Variants in TOPBP1 observed in about 807,000 individuals in gnomAD.
The protein encoded by TOPBP1 is DNA topoisomerase II binding protein 1, also known as DNA topoisomerase 2-binding protein 1.
Under a neutral mutation model 167.7 loss-of-function variants are expected in TOPBP1, and 28 were observed. That is an observed-to-expected ratio of 0.17 (90% CI 0.12 to 0.23). TOPBP1 has a LOEUF of 0.23. Among genes scored for constraint, TOPBP1 ranks in the 10% least tolerant of loss-of-function variants. The pLI, the probability that TOPBP1 is intolerant of heterozygous loss-of-function variation, is 1.00. For synonymous variants in TOPBP1, 598 were observed against 611.4 expected, an observed-to-expected ratio of 0.98 and a Z score of 0.32; for missense variants, 1,554 against 1,809.6, an observed-to-expected ratio of 0.86 and a Z score of 2.56.
At chr3:133,630,964 G>C (rs1315874338) in intron 14 of TOPBP1, among the ~76,000 whole-genome samples, 1 of 152,142 alleles carries the variant, frequency 6.6e-6, no homozygotes, top group Non-Finnish European at 1.5e-5. Context: ...GGAGGCCAAG[G>C]CAGAACTGCC....
chr3:133,633,750 C>T (rs1559820607), intron 14 of TOPBP1, among the ~76,000 whole-genome samples: 1 of 152,152 alleles, frequency 6.6e-6, no homozygotes, highest in African/African-American at 2.4e-5. Context: ...GTGATCATGC[C>T]ACTACACTCC....
chr3:133,629,124 A>G (rs1000371282), intron 14 of TOPBP1, among the ~76,000 whole-genome samples: 1 of 152,186 alleles, frequency 6.6e-6, no homozygotes, highest in African/African-American at 2.4e-5. Flanking sequence ...AATGGATTAT[A>G]AGGAAGGTTA....
chr3:133,627,303 G>C (rs1162275251), intron 16 of TOPBP1, among the ~76,000 whole-genome samples: 1 of 151,798 alleles, frequency 6.6e-6, no homozygotes, highest in Non-Finnish European at 1.5e-5. Flanking sequence ...GAATAAACAA[G>C]GAAACATTCA....
At chr3:133,633,528 C>T (rs1935562459) in intron 14 of TOPBP1, among the ~76,000 whole-genome samples, 1 of 152,188 alleles carries the variant, frequency 6.6e-6, no homozygotes, top group Admixed American at 6.5e-5. Context: ...TGGTGGCTCA[C>T]ACCTATAACC....
intron 25 of TOPBP1, among the ~76,000 whole-genome samples, chr3:133,610,075 G>A (rs1418603267): frequency 6.6e-6 from 1 of 152,164 alleles, no homozygotes; most frequent in Admixed American, 6.5e-5. Flanking sequence ...TAAAGTAGCA[G>A]ACAATAACTA....
intron 14 of TOPBP1, among the ~76,000 whole-genome samples, chr3:133,629,225 T>C (rs753408465): frequency 1.3e-5 from 2 of 152,258 alleles, no homozygotes; most frequent in African/African-American, 2.4e-5. Context: ...AGTTCCCTCC[T>C]GAAAGGAAGC....
chr3:133,644,382 T>C lies in TOPBP1; in HGVS notation c.1505-19A>G, dbSNP rs201176362. ...GCCTCAACTGAAAGAGAAAAGTAAA[T>C]GTTTTCTAACCAACAATTTACCTTA... On this transcript the variant is annotated intron_variant, in intron 10 of 27. Transcript: ENST00000260810. 2.6e-6 allele frequency: 4 copies of C among 1,528,120 alleles called. No individual in the cohort carries two copies. Among genetic ancestry groups the C allele is most frequent in the Non-Finnish European group, 3.5e-6 (4 of 1,139,854 alleles). 94.7% of individuals were successfully genotyped at this position (1,528,120 alleles called of 1,614,324 possible). A position where few individuals can be genotyped will look rare whatever the true frequency, so the allele number is the denominator to read the frequency against.
In TOPBP1 at chr3:133,628,387, C is replaced by G. The variant is rs750736959; in HGVS notation, c.2779G>C (p.Ala927Pro). The change falls in exon 16 of 28, where the codon GCA (alanine) becomes CCA (proline). Residue 927 changes from alanine to proline, a missense_variant. Ala to Pro is a conservative substitution (Grantham distance 27, BLOSUM62 -1). Coordinates refer to ENST00000260810, the MANE Select transcript of TOPBP1 (RefSeq NM_007027.4). ...SKKQSELNGIAASLGADYRWS... is the reference protein window; with the variant it reads ...SKKQSELNGIPASLGADYRWS... ...CTGTAATCTGCTCCTAGAGAGGCTGCGATCCCATTTAGTTCACTCTGCTTC... is the reference window on the plus strand; with the variant it reads ...CTGTAATCTGCTCCTAGAGAGGCTGGGATCCCATTTAGTTCACTCTGCTTC... The G allele has an allele frequency of 1.4e-5, 22 of 1,604,416 alleles. No homozygotes were observed. The highest frequency in any genetic ancestry group is 1.9e-5 in the Non-Finnish European group (22 of 1,175,154).
intron 2 of TOPBP1, among the ~76,000 whole-genome samples, chr3:133,659,533 C>T (rs1000284092): frequency 6.6e-6 from 1 of 152,202 alleles, no homozygotes; most frequent in Non-Finnish European, 1.5e-5. Flanking sequence ...ATTCCAGCCA[C>T]TCCCGCTTTC....
Position 133,620,196 on chromosome 3 carries a change from G to T in TOPBP1, c.3330C>A (p.Arg1110=), listed in dbSNP as rs1465935095. ...NSASSTPDST[R]SARSGRSRVL... ...CTCTACTTCGTCCACTGCGAGCAGA[G>T]CGAGTGCTGTCAGGGGTTGAAGATG... is the stretch of plus-strand genomic sequence containing the variant. The change falls in exon 20 of 28, where the codon CGC becomes CGA. Residue 1110 remains arginine (R), a synonymous_variant. Transcript: ENST00000260810. The T allele has an allele frequency of 6.2e-7, 1 of 1,613,908 alleles. No homozygotes were observed. The highest frequency in any genetic ancestry group is 8.5e-7 in the Non-Finnish European group (1 of 1,179,854).
chr3:133,612,336 G>A (rs569729465), intron 24 of TOPBP1, 53 bp downstream of exon 24: 76 of 1,598,700 alleles, frequency 4.8e-5, no homozygotes, highest in African/African-American at 3.5e-4. Flanking sequence ...CACTGCACCC[G>A]GTGGACACTT....
intron 27 of TOPBP1, among the ~76,000 whole-genome samples, chr3:133,607,277 G>C (rs1934525083): frequency 1.3e-5 from 2 of 152,012 alleles, no homozygotes; most frequent in Admixed American, 1.3e-4. Context: ...GATTTGGGAT[G>C]CTCAATCTGT....
chr3:133,649,244 AGT>A (rs1936194736), intron 10 of TOPBP1, 137 bp downstream of exon 10: 1 of 1,205,076 alleles, frequency 8.3e-7, no homozygotes, highest in Admixed American at 2.9e-5. Context: ...TCAGAAAAAA[AGT>A]TATGAGGAAA....
intron 25 of TOPBP1, among the ~76,000 whole-genome samples, chr3:133,610,414 C>G (rs970590365): frequency 6.6e-5 from 10 of 152,012 alleles, no homozygotes; most frequent in African/African-American, 2.4e-4. Flanking sequence ...CTAATAGTTT[C>G]TCTTGATAAA....
At chr3:133,648,905 A>T (rs1936180373) in intron 10 of TOPBP1, among the ~76,000 whole-genome samples, 1 of 152,174 alleles carries the variant, frequency 6.6e-6, no homozygotes, top group Non-Finnish European at 1.5e-5. Flanking sequence ...ACTTAAATGT[A>T]TATATTTTTG....
At chr3:133,630,240 T>C (rs762716603) in intron 14 of TOPBP1, among the ~76,000 whole-genome samples, 2 of 152,048 alleles carry the variant, frequency 1.3e-5, no homozygotes, top group African/African-American at 2.4e-5. Flanking sequence ...ATGTATCAAC[T>C]GTGATATAAT....
intron 7 of TOPBP1, 123 bp from the exon 8 acceptor site, chr3:133,652,752 G>GC: frequency 1.3e-6 from 1 of 757,154 alleles, no homozygotes; most frequent in South Asian, 2.0e-5. Context: ...AGATTCAGGG[G>GC]TGTTTACTGA....
At chr3:133,612,862 TTC>T (rs1169019686) in intron 23 of TOPBP1, among the ~76,000 whole-genome samples, 6 of 152,070 alleles carry the variant, frequency 3.9e-5, no homozygotes, top group East Asian at 1.9e-4. Flanking sequence ...CTTAATTTTA[TTC>T]TGTTTTAATT....
At chr3:133,620,388 C>CT (rs1269603069) in intron 19 of TOPBP1, 41 bp from the exon 20 acceptor site, 5 of 1,578,812 alleles carry the variant, frequency 3.2e-6, no homozygotes, top group African/African-American at 1.4e-5. Context: ...GTAAGTTCCT[C>CT]TTTTTTACCA....
Sources: allele counts gnomAD v4.1 joint callset (sites outside exome capture counted in the v4.1 genomes callset), GRCh38; gene constraint gnomAD v4.1.1; transcripts MANE v1.5; gene names NCBI Gene and HGNC (gene_info 2026-07-23, HGNC 2026-07-21).